The following TRAK2 variants were observed in gnomAD, a reference collection of about 807,000 sequenced individuals.
TRAK2 encodes the protein trafficking kinesin protein 2, also known as trafficking kinesin-binding protein 2.
TRAK2 carries 81 observed loss-of-function variants against 104.6 expected under a neutral mutation model. That is an observed-to-expected ratio of 0.77 (90% CI 0.65 to 0.93). TRAK2 has a LOEUF of 0.93. Ranked by LOEUF, TRAK2 falls within the 40% of genes least tolerant of loss-of-function variation. TRAK2 has a pLI of 0.00. For missense variants in TRAK2, 1,002 were observed against 1,089.0 expected (o/e 0.92, Z 1.12); for synonymous variants, 406 against 394.4 (o/e 1.03, Z -0.35).
At position 201,386,418 on chromosome 2, in the gene TRAK2, C is replaced by T. The variant is rs201575231; in HGVS notation, c.1763G>A (p.Arg588Gln). 6.6e-5 allele frequency: 107 copies of T among 1,614,008 alleles called. No homozygotes were observed. The highest frequency in any genetic ancestry group is 1.2e-4 in the African/African-American group (9 of 74,892). The change falls in exon 14 of 16, where the codon CGA becomes CAA. Residue 588 changes from arginine to glutamine, a missense_variant. Physicochemically the swap from Arg to Gln is conservative, Grantham distance 43. Coordinates refer to ENST00000332624, the MANE Select transcript of TRAK2 (RefSeq NM_015049.3). ...AAAGCCTTTAGTAATGACACCTGGT[C>T]GTGGATCAAGGATGGTTCCCAAGTT... Reference protein sequence around the residue: ...QPNLGTILDPRPGVITKGFTQ... With the variant: ...QPNLGTILDPQPGVITKGFTQ...
At chr2:201,448,085 C>T (rs1316915102) in intron 1 of TRAK2, among the ~76,000 whole-genome samples, 5 of 152,128 alleles carry the variant, frequency 3.3e-5, no homozygotes, top group Non-Finnish European at 5.9e-5. Flanking sequence ...CCTTGAAGTA[C>T]GACAAGCATG....
chr2:201,420,365 G>C, intron 2 of TRAK2, 52 bp downstream of exon 2: 1 of 1,481,756 alleles, frequency 6.7e-7, no homozygotes. Flanking sequence ...TGAGGCATTT[G>C]CATTTTCTCC....
At chr2:201,439,881 CAAT>C (rs988316023) in intron 1 of TRAK2, among the ~76,000 whole-genome samples, 12 of 130,748 alleles carry the variant, frequency 9.2e-5, no homozygotes, top group Admixed American at 6.5e-4. Context: ...GGGAATTGAA[CAAT>C]GAGAAAACAT....
intron 1 of TRAK2, among the ~76,000 whole-genome samples, chr2:201,443,925 C>A (rs1466551348): frequency 6.6e-6 from 1 of 152,044 alleles, no homozygotes; most frequent in African/African-American, 2.4e-5. Context: ...TCCAGGGCGG[C>A]CGCAGTGGCT....
In TRAK2 at chr2:201,378,026, A is replaced by G. The variant is rs1046093549; in HGVS notation, c.*2517T>C. On this transcript the variant is annotated 3_prime_UTR_variant, in exon 16 of 16. Coordinates refer to ENST00000332624, the MANE Select transcript of TRAK2 (RefSeq NM_015049.3). ...CTATTAGGCTCCAATTCTTCTTACT[A>G]TATTTTGCAGACAATTCTAGTATTA... The G allele has an allele frequency of 1.3e-5, 2 of 152,432 alleles. No homozygotes were observed. Among genetic ancestry groups the G allele is most frequent in the Admixed American group, 6.5e-5 (1 of 15,300 alleles). The allele number at this position is 152,432 out of a possible 1,614,324, so 9.4% of individuals were successfully genotyped here.
intron 10 of TRAK2, among the ~76,000 whole-genome samples, chr2:201,391,285 T>G (rs1478073371): frequency 6.6e-6 from 1 of 152,158 alleles, no homozygotes; most frequent in Non-Finnish European, 1.5e-5. Context: ...TGTAATCTAT[T>G]GAATAAAATA....
chr2:201,418,163 T>C lies in TRAK2; in HGVS notation c.91+2254A>G, dbSNP rs142006042. Among the ~76,000 whole-genome samples, 341 of 152,332 alleles carry C rather than the reference T, an allele frequency of 2.2e-3. 2 individuals are homozygous for C. The highest frequency in any genetic ancestry group is 7.5e-3 in the African/African-American group (311 of 41,582). ...CATTCAAAATTCCAGCATTCTTTTT[T>C]GGGAGAAAATGACAAGCTGGTTATT... On this transcript the variant is annotated intron_variant, in intron 2 of 15. Transcript: ENST00000332624.
chr2:201,411,128 A>G (rs1951643003), intron 2 of TRAK2: 2 of 858,250 alleles, frequency 2.3e-6, no homozygotes, highest in East Asian at 2.4e-5. Context: ...TAGGGGTACT[A>G]ACAGAAAGGC....
chr2:201,428,285 G>C (rs1166760001), intron 1 of TRAK2, among the ~76,000 whole-genome samples: 1 of 152,036 alleles, frequency 6.6e-6, no homozygotes, highest in Non-Finnish European at 1.5e-5. Flanking sequence ...TTTCTTCTAG[G>C]GTTTTTATGG....
chr2:201,380,324 C>T lies in TRAK2; in HGVS notation c.*219G>A, dbSNP rs1197510094. On this transcript the variant is annotated 3_prime_UTR_variant, in exon 16 of 16. Coordinates refer to ENST00000332624, the MANE Select transcript of TRAK2 (RefSeq NM_015049.3). ...AGTATATTAAACCTTTCTTTTCTCC[C>T]TCTGAACACTCATGGCCCATTCATT... 1.7e-6 allele frequency: 1 copy of T among 580,440 alleles called. No individual in the cohort carries two copies. The highest frequency in any genetic ancestry group is 3.1e-6 in the Non-Finnish European group (1 of 327,506). The allele number at this position is 580,440 out of a possible 1,614,324, so 36.0% of individuals were successfully genotyped here.
chr2:201,447,847 G>A lies in TRAK2; in HGVS notation c.-200+3503C>T, dbSNP rs1951975777. On this transcript the variant is annotated intron_variant, in intron 1 of 15. Coordinates refer to ENST00000332624, the MANE Select transcript of TRAK2 (RefSeq NM_015049.3). The surrounding 1 kb of genome is among the most constrained non-coding windows in gnomAD (Gnocchi z 4.1). ...ATTTGTTTTCCCAAGACTGGTCCAAGCCTTCCCACTCCAGAGTAACTTCAG... is the reference window on the plus strand; with the variant it reads ...ATTTGTTTTCCCAAGACTGGTCCAAACCTTCCCACTCCAGAGTAACTTCAG... Among the ~76,000 whole-genome samples the A allele has an allele frequency of 6.6e-6, 1 of 152,178 alleles. No individual in the cohort carries two copies. The highest frequency in any genetic ancestry group is 2.1e-4 in the South Asian group (1 of 4,828).
In TRAK2 at chr2:201,389,477, G is replaced by A. The variant is rs147395543; in HGVS notation, c.1220C>T (p.Thr407Ile). The A allele has an allele frequency of 1.2e-4, 200 of 1,614,028 alleles. No homozygotes were observed. The African/African-American group carries it at 2.5e-3, about 20-fold the overall frequency. The change falls in exon 12 of 16, where the codon ACC becomes ATC. Residue 407 changes from threonine to isoleucine, a missense_variant. Coordinates refer to ENST00000332624, the MANE Select transcript of TRAK2 (RefSeq NM_015049.3). ...CCGTGTGTCATTGGCAATCCTGACGGTATCAAATACCCGCTTCTGTTGGGC... is the reference window on the plus strand; with the variant it reads ...CCGTGTGTCATTGGCAATCCTGACGATATCAAATACCCGCTTCTGTTGGGC... ...QKAQQKRVFD[T>I]VRIANDTRGR...
At chr2:201,417,966 T>A (rs1951707888) in intron 2 of TRAK2, among the ~76,000 whole-genome samples, 1 of 152,088 alleles carries the variant, frequency 6.6e-6, no homozygotes, top group South Asian at 2.1e-4. Flanking sequence ...TTTAAAAAAA[T>A]ACTTAAGACT....
chr2:201,402,090 GTTA>G (rs1463834339), intron 3 of TRAK2, among the ~76,000 whole-genome samples: 2 of 151,986 alleles, frequency 1.3e-5, no homozygotes, highest in African/African-American at 2.4e-5. Context: ...ATCTCATGAG[GTTA>G]TTAAGAGGAT....
intron 11 of TRAK2, 140 bp downstream of exon 11, chr2:201,389,660 CA>C (rs1219894665): frequency 1.4e-5 from 15 of 1,078,072 alleles, no homozygotes; most frequent in Middle Eastern, 2.1e-4. Flanking sequence ...AACTCTCTCA[CA>C]AAAAAAGGAC....
chr2:201,403,251 AC>A (rs1430184270), intron 3 of TRAK2, among the ~76,000 whole-genome samples: 2 of 152,236 alleles, frequency 1.3e-5, no homozygotes, highest in African/African-American at 4.8e-5. Flanking sequence ...TTAAAGCTGA[AC>A]CTTAAGAAGT....
intron 3 of TRAK2, among the ~76,000 whole-genome samples, chr2:201,403,755 A>T (rs1033102495): frequency 6.6e-6 from 1 of 151,798 alleles, no homozygotes; most frequent in Non-Finnish European, 1.5e-5. Context: ...AGAAAAAAAA[A>T]AAAAACCCAC....
intron 1 of TRAK2, among the ~76,000 whole-genome samples, chr2:201,445,535 T>G (rs1951958112): frequency 6.6e-6 from 1 of 152,210 alleles, no homozygotes; most frequent in Non-Finnish European, 1.5e-5. Flanking sequence ...TTGATGAGTG[T>G]TACAACAGAA....
chr2:201,437,686 C>T (rs546088796), intron 1 of TRAK2, among the ~76,000 whole-genome samples: 2 of 152,022 alleles, frequency 1.3e-5, no homozygotes, highest in South Asian at 2.1e-4. Flanking sequence ...TTGCTACGGC[C>T]CTAGTTTAAT....
Sources: allele counts gnomAD v4.1 joint callset (sites outside exome capture counted in the v4.1 genomes callset), GRCh38; gene constraint gnomAD v4.1.1; non-coding constraint Gnocchi (gnomAD v3.1); transcripts MANE v1.5; gene names NCBI Gene and HGNC (gene_info 2026-07-23, HGNC 2026-07-21).